Variants in SNX6 observed in about 807,000 individuals in gnomAD.
SNX6 encodes sorting nexin-6.
A neutral mutation model predicts 63.0 loss-of-function variants in SNX6; 34 were observed. The ratio of observed to expected loss-of-function variants is 0.54; its 90% CI spans 0.41 to 0.72. SNX6 has a LOEUF of 0.72. Ranked by LOEUF, SNX6 falls within the 30% of genes least tolerant of loss-of-function variation. The pLI, the probability that SNX6 is intolerant of heterozygous loss-of-function variation, is 0.00. For synonymous variants in SNX6, 170 were observed against 164.2 expected, an observed-to-expected ratio of 1.04 and a Z score of -0.27; for missense variants, 398 against 471.4, an observed-to-expected ratio of 0.84 and a Z score of 1.44.
At chr14:34,622,873 T>C (rs973912281) in intron 2 of SNX6, among the ~76,000 whole-genome samples, 4 of 152,192 alleles carry the variant, frequency 2.6e-5, no homozygotes, top group Non-Finnish European at 5.9e-5. Context: ...CTTTCCCAAA[T>C]AGGAATAACA....
Position 34,629,947 on chromosome 14 carries a change from A to G in SNX6, c.14T>C (p.Leu5Pro). The G allele has an allele frequency of 6.5e-7, 1 of 1,547,530 alleles. No individual in the cohort carries two copies. Among genetic ancestry groups the G allele is most frequent in the Non-Finnish European group, 8.7e-7 (1 of 1,148,484 alleles). The stretch of plus-strand genomic sequence containing the variant: ...TGAGAGGAAGTCCGGGCCGTCGTCC[A>G]GGCCTTCCTGTGGGGTCGGCGGGCA... MMEG[L>P]DDGPDFLSEE... Residue 5 changes from leucine to proline, a missense_variant, in exon 2 of 14, where the codon CTG (leucine) becomes CCG (proline). Leu to Pro is a moderately conservative substitution (Grantham distance 98, BLOSUM62 -3). Transcript: ENST00000362031.
At chr14:34,625,457 G>A (rs1883790689) in intron 2 of SNX6, among the ~76,000 whole-genome samples, 1 of 152,102 alleles carries the variant, frequency 6.6e-6, no homozygotes, top group African/African-American at 2.4e-5. Flanking sequence ...TATCGGCCGG[G>A]CGCGGTGGCT....
chr14:34,580,598 T>G (rs1881896367), intron 10 of SNX6, among the ~76,000 whole-genome samples: 1 of 152,132 alleles, frequency 6.6e-6, no homozygotes, highest in East Asian at 1.9e-4. Flanking sequence ...CTGGCCTGGT[T>G]CCTTTATTCT....
At chr14:34,613,933 C>T (rs1335434827) in intron 2 of SNX6, among the ~76,000 whole-genome samples, 2 of 151,902 alleles carry the variant, frequency 1.3e-5, no homozygotes, top group African/African-American at 4.8e-5. Flanking sequence ...ATGGTGAAAC[C>T]CCGTCTCTTA....
chr14:34,569,013 C>A, intron 11 of SNX6: 1 of 1,466,852 alleles, frequency 6.8e-7, no homozygotes, highest in Non-Finnish European at 9.5e-7. Context: ...GCTTGGCCAG[C>A]AGCTTGACGG....
At chr14:34,574,307 G>C (rs1484607497) in intron 11 of SNX6, among the ~76,000 whole-genome samples, 1 of 149,514 alleles carries the variant, frequency 6.7e-6, no homozygotes, top group Non-Finnish European at 1.5e-5. Context: ...CTGCACTCCA[G>C]CTTGGGTAAC....
intron 7 of SNX6, among the ~76,000 whole-genome samples, chr14:34,597,175 G>T (rs61979718): frequency 2.0e-5 from 3 of 152,148 alleles, no homozygotes; most frequent in Non-Finnish European, 4.4e-5. Context: ...CCTGCCCCAT[G>T]GTAACCCCTT....
chr14:34,611,514 T>C lies in SNX6; in HGVS notation c.55-1772A>G, dbSNP rs536564216. 5.5e-4 allele frequency among the ~76,000 whole-genome samples: 83 copies of C among 150,326 alleles called. 1 individual carries two copies. The South Asian group carries it at 0.017, about 30-fold the overall frequency. Reference sequence around the variant, plus strand: ...AAAAAGGGGGGGAGGCCGGGTGTGGTGGCTCACACCTATAATCCCAGCACT... The same window carrying C: ...AAAAAGGGGGGGAGGCCGGGTGTGGCGGCTCACACCTATAATCCCAGCACT... On this transcript the variant is annotated intron_variant, in intron 2 of 13. Coordinates refer to ENST00000362031, the MANE Select transcript of SNX6 (RefSeq NM_152233.4).
Position 34,629,939 on chromosome 14 carries a change from C to T in SNX6, c.22G>A (p.Gly8Ser). The T allele has an allele frequency of 6.5e-7, 1 of 1,550,058 alleles. No individual in the cohort carries two copies. Among genetic ancestry groups the T allele is most frequent in the Non-Finnish European group, 8.7e-7 (1 of 1,149,440 alleles). Residue 8 changes from glycine (G) to serine (S), a missense_variant, in exon 2 of 14, where the codon GGC (glycine) becomes AGC (serine). Transcript: ENST00000362031. ...TCCTCTTCTGAGAGGAAGTCCGGGC[C>T]GTCGTCCAGGCCTTCCTGTGGGGTC... MMEGLDD[G>S]PDFLSEEDRG...
At chr14:34,578,801 T>C (rs1309841696) in intron 10 of SNX6, among the ~76,000 whole-genome samples, 2 of 150,858 alleles carry the variant, frequency 1.3e-5, no homozygotes, top group Non-Finnish European at 3.0e-5. Context: ...TAGCTGGGCA[T>C]GGAGGCGTGC....
At chr14:34,602,901 G>A (rs1234332912) in intron 6 of SNX6, among the ~76,000 whole-genome samples, 6 of 150,886 alleles carry the variant, frequency 4.0e-5, no homozygotes, top group South Asian at 2.1e-4. Context: ...GCATGAACCC[G>A]GGAGGCGGAG....
intron 13 of SNX6, among the ~76,000 whole-genome samples, chr14:34,566,485 A>AT (rs1881188309): frequency 6.6e-6 from 1 of 152,216 alleles, no homozygotes; most frequent in African/African-American, 2.4e-5. Context: ...AAGTGTTGGG[A>AT]TTACAGGCGT....
At position 34,601,256 on chromosome 14, in the gene SNX6, C is replaced by T. The variant is rs565765829; in HGVS notation, c.516+2092G>A. ...TTTTTTTTTTTTTGAGACGGAGTCT[C>T]GCTTTGTCACCCAGGCTGGAATGCA... On this transcript the variant is annotated intron_variant, in intron 6 of 13. Coordinates refer to ENST00000362031, the MANE Select transcript of SNX6 (RefSeq NM_152233.4). Among the ~76,000 whole-genome samples, 479 of 147,852 alleles carry T rather than the reference C, an allele frequency of 3.2e-3. 2 individuals are homozygous for T. The highest frequency in any genetic ancestry group is 0.012 in the African/African-American group (462 of 38,834).
intron 3 of SNX6, 52 bp from the exon 4 acceptor site, chr14:34,608,192 T>A (rs1407821840): frequency 9.6e-7 from 1 of 1,045,554 alleles, no homozygotes. Context: ...ACTAAAAAGT[T>A]TTTTGAAACT....
intron 8 of SNX6, among the ~76,000 whole-genome samples, chr14:34,589,563 C>T (rs1032898400): frequency 8.5e-5 from 13 of 152,128 alleles, no homozygotes; most frequent in Admixed American, 4.6e-4. Context: ...CAGTGGCTCA[C>T]GCCTGTAATC....
chr14:34,585,143 T>C (rs1191215568), intron 9 of SNX6, among the ~76,000 whole-genome samples: 1 of 151,940 alleles, frequency 6.6e-6, no homozygotes, highest in Non-Finnish European at 1.5e-5. Context: ...TGAGCCACCA[T>C]GCCCAGCCCT....
intron 2 of SNX6, among the ~76,000 whole-genome samples, chr14:34,619,436 A>G (rs1883544244): frequency 6.6e-6 from 1 of 151,614 alleles, no homozygotes; most frequent in South Asian, 2.1e-4. Context: ...AAATATATAT[A>G]TATATATTTA....
intron 2 of SNX6, among the ~76,000 whole-genome samples, chr14:34,616,839 G>A (rs1741025017): frequency 1.3e-5 from 2 of 152,052 alleles, no homozygotes; most frequent in South Asian, 2.1e-4. Context: ...TTGGGAGGCC[G>A]AAGAGGGAGG....
chr14:34,563,263 A>G (rs1881010364), intron 13 of SNX6, 88 bp from the exon 14 acceptor site: 2 of 1,334,058 alleles, frequency 1.5e-6, no homozygotes, highest in East Asian at 2.4e-5. Context: ...AACGACATAA[A>G]ATATAGTGTT....
Sources: allele counts gnomAD v4.1 joint callset (sites outside exome capture counted in the v4.1 genomes callset), GRCh38; gene constraint gnomAD v4.1.1; transcripts MANE v1.5; gene names NCBI Gene and HGNC (gene_info 2026-07-23, HGNC 2026-07-21).